The following GALNT9 variants were observed in gnomAD, a reference collection of about 807,000 sequenced individuals.
GALNT9 encodes the protein polypeptide N-acetylgalactosaminyltransferase 9.
Under a neutral mutation model 63.1 loss-of-function variants are expected in GALNT9, and 47 were observed. The observed-to-expected ratio is 0.75, with a 90% CI of 0.59 to 0.95. The LOEUF (loss-of-function observed/expected upper bound fraction) is 0.95. Ranked by LOEUF, GALNT9 falls within the 40% of genes least tolerant of loss-of-function variation. The pLI is 0.00. For synonymous variants in GALNT9, 396 were observed against 365.7 expected (o/e 1.08, Z -0.94); for missense variants, 829 against 874.8 (o/e 0.95, Z 0.66).
intron 1 of GALNT9, among the ~76,000 whole-genome samples, chr12:132,288,734 C>T (rs1880698557): frequency 6.7e-6 from 1 of 150,242 alleles, no homozygotes; most frequent in Admixed American, 6.6e-5. Flanking sequence ...CTGCCCGATG[C>T]CCAGCATTGG....
rs1555239791 is a variant in GALNT9, at chr12:132,261,575, G to A, written c.587-453C>T. 2.6e-5 allele frequency among the ~76,000 whole-genome samples: 4 copies of A among 152,324 alleles called. No individual in the cohort carries two copies. In the South Asian group the frequency reaches 6.2e-4, roughly 24 times the overall value. ...CTCCCCACACACCACCTTCTCCAGC[G>A]AGACAGGGCTCAGGAGGGCAGCCAC... On this transcript the variant is annotated intron_variant, in intron 3 of 10. Transcript: ENST00000328957.
At chr12:132,302,229 TACACACACAC>T (rs56317485) in intron 1 of GALNT9, among the ~76,000 whole-genome samples, 53 of 143,818 alleles carry the variant, frequency 3.7e-4, no homozygotes, top group Non-Finnish European at 4.4e-4. Flanking sequence ...TAGAAAATTC[TACACACACAC>T]ACACACACAC....
At chr12:132,203,133 G>T (rs548626649) in intron 7 of GALNT9, among the ~76,000 whole-genome samples, 2 of 152,176 alleles carry the variant, frequency 1.3e-5, no homozygotes, top group Non-Finnish European at 2.9e-5. Context: ...GGAGGGGTCC[G>T]CACTGGCTGA....
chr12:132,240,886 A>G (rs1418700504), intron 6 of GALNT9, among the ~76,000 whole-genome samples: 1 of 146,104 alleles, frequency 6.8e-6, no homozygotes, highest in East Asian at 2.0e-4. Context: ...TACCCATTAC[A>G]CACACACCAC....
intron 6 of GALNT9, among the ~76,000 whole-genome samples, chr12:132,237,672 C>T (rs1021059048): frequency 2.6e-5 from 4 of 152,340 alleles, no homozygotes; most frequent in East Asian, 1.9e-4. Context: ...TGTGGTGGTT[C>T]GTGGGTGGGG....
intron 2 of GALNT9, among the ~76,000 whole-genome samples, chr12:132,269,492 G>A (rs1212160904): frequency 6.6e-6 from 1 of 151,846 alleles, no homozygotes; most frequent in Non-Finnish European, 1.5e-5. Context: ...AGGTGGAGGG[G>A]CGTCAGGGAG....
chr12:132,273,462 G>C (rs1879944305), intron 2 of GALNT9: 1 of 152,420 alleles, frequency 6.6e-6, no homozygotes, highest in African/African-American at 2.4e-5. Context: ...GTGGCAAGGT[G>C]CCCTTCCTGG....
rs551439940 is a variant in GALNT9, at chr12:132,325,342, C to T, written c.238+3624G>A. 1.6e-3 allele frequency among the ~76,000 whole-genome samples: 240 copies of T among 152,350 alleles called. 1 individual carries two copies. Among genetic ancestry groups the T allele is most frequent in the African/African-American group, 5.4e-3 (223 of 41,586 alleles). On this transcript the variant is annotated intron_variant, in intron 1 of 10. Transcript: ENST00000328957. ...CTATGTTCACAGTACCGCCAGAGGC[C>T]TTGGGCATCAGAGCCAGGACCAGAC...
chr12:132,252,147 A>G lies in GALNT9; in HGVS notation c.960-4120T>C, dbSNP rs372470799. On this transcript the variant is annotated intron_variant, in intron 5 of 10. Coordinates refer to ENST00000328957, the MANE Select transcript of GALNT9 (RefSeq NM_001122636.2). The surrounding 1 kb of genome is among the most constrained non-coding windows in gnomAD (Gnocchi z 5.2). ...AGGCCAACAGGGCAGCCACCTCCAC[A>G]GGCCCAGGCAGTGAGGCCACACTCC... is the stretch of plus-strand genomic sequence containing the variant. 2.6e-5 allele frequency among the ~76,000 whole-genome samples: 4 copies of G among 152,312 alleles called. No homozygotes were observed. In the East Asian group the frequency reaches 5.8e-4, roughly 22 times the overall value.
chr12:132,288,348 T>C (rs1052570211), intron 1 of GALNT9, among the ~76,000 whole-genome samples: 1 of 152,272 alleles, frequency 6.6e-6, no homozygotes, highest in East Asian at 1.9e-4. Flanking sequence ...GGATACAGAT[T>C]GGACGTAGAA....
chr12:132,219,256 C>A (rs7484687), intron 6 of GALNT9, among the ~76,000 whole-genome samples: 1 of 152,036 alleles, frequency 6.6e-6, no homozygotes, highest in African/African-American at 2.4e-5. Flanking sequence ...GCAGCTGTGA[C>A]GGATGAAATG....
At chr12:132,209,249 G>T (rs188997717) in intron 6 of GALNT9, among the ~76,000 whole-genome samples, 1 of 152,122 alleles carries the variant, frequency 6.6e-6, no homozygotes, top group East Asian at 1.9e-4. Flanking sequence ...GCAGTAGGCC[G>T]GGTGCGGTGG....
intron 6 of GALNT9, among the ~76,000 whole-genome samples, chr12:132,218,664 GTATT>G (rs1877316794): frequency 6.6e-6 from 1 of 152,240 alleles, no homozygotes. Context: ...GGATCTGCCT[GTATT>G]TATCGCTGGA....
chr12:132,218,377 G>T (rs10902525), intron 6 of GALNT9, among the ~76,000 whole-genome samples: 89,752 of 152,136 alleles, frequency 0.59, 26,598 homozygotes, highest in East Asian at 0.72. Flanking sequence ...AAACCCAAGA[G>T]GTACCTAGTC....
intron 1 of GALNT9, among the ~76,000 whole-genome samples, chr12:132,313,189 C>T (rs1386026691): frequency 7.2e-6 from 1 of 139,838 alleles, no homozygotes; most frequent in Non-Finnish European, 1.6e-5. Flanking sequence ...ACCCATCCCT[C>T]CATACATCTG....
rs1555245106 is a variant in GALNT9, at chr12:132,310,927, C to T, written c.238+18039G>A. ...TCAGGGCACCCACTCTCCCTGGGCA[C>T]ACGGTTCAGGGCACCCGCTCTCCCT... On this transcript the variant is annotated intron_variant, in intron 1 of 10. Transcript: ENST00000328957. This position sits in a 1 kb window ranked among gnomAD's most constrained non-coding sequence, Gnocchi z 4.8. 6.6e-6 allele frequency among the ~76,000 whole-genome samples: 1 copy of T among 152,132 alleles called. No homozygotes were observed. The highest frequency in any genetic ancestry group is 2.4e-5 in the African/African-American group (1 of 41,422).
Position 132,315,273 on chromosome 12 carries a change from C to T in GALNT9, c.238+13693G>A, listed in dbSNP as rs1868451380. On this transcript the variant is annotated intron_variant, in intron 1 of 10. Transcript: ENST00000328957. The surrounding 1 kb of genome is among the most constrained non-coding windows in gnomAD (Gnocchi z 6.1). ...ATCAGGGCGGCCTCCCCTGTGTCCA[C>T]TGCAAAGTGCTCGAGCCTCAGAATA... 3.1e-5 allele frequency among the ~76,000 whole-genome samples: 4 copies of T among 127,000 alleles called. No individual in the cohort carries two copies. Among genetic ancestry groups the T allele is most frequent in the Admixed American group, 3.0e-4 (4 of 13,436 alleles). The allele number at this position is 127,000 out of a possible 152,430, so 83.3% of individuals were successfully genotyped here. A position where few individuals can be genotyped will look rare whatever the true frequency, so the allele number is the denominator to read the frequency against.
intron 6 of GALNT9, among the ~76,000 whole-genome samples, chr12:132,208,600 G>C (rs913484809): frequency 6.6e-6 from 1 of 152,202 alleles, no homozygotes; most frequent in Admixed American, 6.5e-5. Flanking sequence ...ATGTGGAGCA[G>C]AGAGAAGCCG....
rs538620776 is a variant in GALNT9 at position 132,316,639 on chromosome 12, C to A, written c.238+12327G>T. Among the ~76,000 whole-genome samples the A allele has an allele frequency of 1.3e-5, 2 of 152,058 alleles. No individual in the cohort carries two copies. Among genetic ancestry groups the A allele is most frequent in the East Asian group, 3.9e-4 (2 of 5,172 alleles). On this transcript the variant is annotated intron_variant, in intron 1 of 10. Coordinates refer to ENST00000328957, the MANE Select transcript of GALNT9 (RefSeq NM_001122636.2). This position sits in a 1 kb window ranked among gnomAD's most constrained non-coding sequence, Gnocchi z 4.3. The stretch of plus-strand genomic sequence containing the variant: ...GGGTGTGTCCCTGCTCTCTTTCCTC[C>A]GCTTCAGCAAATTCCCCCGTGCTCT...
Sources: allele counts gnomAD v4.1 joint callset (sites outside exome capture counted in the v4.1 genomes callset), GRCh38; gene constraint gnomAD v4.1.1; non-coding constraint Gnocchi (gnomAD v3.1); transcripts MANE v1.5; gene names NCBI Gene and HGNC (gene_info 2026-07-23, HGNC 2026-07-21).